Variants in PDE1C observed in about 807,000 individuals in gnomAD.
PDE1C encodes dual specificity calcium/calmodulin-dependent 3',5'-cyclic nucleotide phosphodiesterase 1C.
PDE1C carries 62 observed loss-of-function variants against 93.1 expected under a neutral mutation model. The observed-to-expected ratio is 0.67, with a 90% CI of 0.54 to 0.82. PDE1C has a LOEUF of 0.82. Ranked by LOEUF, PDE1C falls within the 40% of genes least tolerant of loss-of-function variation. The probability of loss-of-function intolerance (pLI) is 0.00; values close to 1 mark genes in which losing one functional copy is unlikely to be tolerated. For synonymous variants in PDE1C, 325 were observed against 310.1 expected, an observed-to-expected ratio of 1.05 and a Z score of -0.50; for missense variants, 742 against 884.6, an observed-to-expected ratio of 0.84 and a Z score of 2.04.
intron 14 of PDE1C, among the ~76,000 whole-genome samples, chr7:31,818,040 C>A (rs908730882): frequency 3.3e-5 from 5 of 151,990 alleles, no homozygotes; most frequent in African/African-American, 7.3e-5. Flanking sequence ...GAAGGAGGGG[C>A]AAGAATAGGA....
chr7:32,391,236 A>G (rs1012060427), intron 1 of PDE1C, among the ~76,000 whole-genome samples: 3 of 152,240 alleles, frequency 2.0e-5, no homozygotes, highest in African/African-American at 4.8e-5. Context: ...GAAGTGGCTC[A>G]TTAAGGATCA....
the PDE1C span, among the ~76,000 whole-genome samples, chr7:31,672,586 T>A: frequency 1.3e-5 from 2 of 152,208 alleles, no homozygotes; most frequent in Non-Finnish European, 2.9e-5. Flanking sequence ...ATTTTTTAAT[T>A]GTATATTCAA....
chr7:31,657,054 C>A, the PDE1C span, among the ~76,000 whole-genome samples: 1 of 136,826 alleles, frequency 7.3e-6, no homozygotes, highest in Non-Finnish European at 1.5e-5. Flanking sequence ...CACACACACA[C>A]GCACTATATA....
chr7:32,022,378 G>A (rs1788807620), intron 2 of PDE1C, among the ~76,000 whole-genome samples: 1 of 152,054 alleles, frequency 6.6e-6, no homozygotes, highest in South Asian at 2.1e-4. Flanking sequence ...GAAATTTCTA[G>A]CTAGGAGAAA....
At chr7:31,957,962 C>G (rs898136246) in intron 2 of PDE1C, among the ~76,000 whole-genome samples, 1 of 152,152 alleles carries the variant, frequency 6.6e-6, no homozygotes, top group Non-Finnish European at 1.5e-5. Flanking sequence ...TCCAGTATGA[C>G]ACATATGGAA....
intron 1 of PDE1C, among the ~76,000 whole-genome samples, chr7:32,374,179 A>AAGAAAGAAAG (rs1784382139): frequency 3.2e-5 from 1 of 31,174 alleles, no homozygotes; most frequent in Non-Finnish European, 1.1e-4. Flanking sequence ...AGAAAGAAAG[A>AAGAAAGAAAG]AAGAAAGAAA....
At chr7:32,312,374 A>G (rs1053496669) in intron 1 of PDE1C, among the ~76,000 whole-genome samples, 1 of 151,940 alleles carries the variant, frequency 6.6e-6, no homozygotes, top group Non-Finnish European at 1.5e-5. Context: ...CAAGCTACCA[A>G]TGACTTTCTT....
chr7:32,084,781 A>G (rs1277754554), intron 3 of PDE1C, among the ~76,000 whole-genome samples: 1 of 128,864 alleles, frequency 7.8e-6, no homozygotes. Flanking sequence ...GAAGGCAGAA[A>G]TAAAGATGTT....
rs147572652 is a variant in PDE1C, at chr7:31,803,572, G to A, written c.1891+5459C>T. Among the ~76,000 whole-genome samples, 269 of 151,542 alleles carry A rather than the reference G, an allele frequency of 1.8e-3. 5 individuals are homozygous for A. The East Asian group carries it at 0.029, about 16-fold the overall frequency. On this transcript the variant is annotated intron_variant, in intron 16 of 17. Transcript: ENST00000396191. ...CTCCCCCAACCCCACAACAGTCCCC[G>A]GTGTGTGATGTTCCCCTTCCTGTGT...
intron 1 of PDE1C, among the ~76,000 whole-genome samples, chr7:32,297,419 CAG>C (rs990069677): frequency 2.6e-5 from 4 of 152,130 alleles, no homozygotes; most frequent in African/African-American, 9.7e-5. Context: ...AAGTAGGAAT[CAG>C]AGTGGCTCCT....
At chr7:32,350,075 CTGT>C (rs71559222) in intron 1 of PDE1C, among the ~76,000 whole-genome samples, 39 of 148,856 alleles carry the variant, frequency 2.6e-4, no homozygotes, top group African/African-American at 8.0e-4. Flanking sequence ...TATTGTCTTG[CTGT>C]TGTTGTTGTT....
chr7:32,014,243 G>T (rs1228864159), intron 2 of PDE1C, among the ~76,000 whole-genome samples: 1 of 152,094 alleles, frequency 6.6e-6, no homozygotes, highest in Non-Finnish European at 1.5e-5. Flanking sequence ...CATGCCAAAG[G>T]TATTAAATGT....
intron 1 of PDE1C, among the ~76,000 whole-genome samples, chr7:32,250,379 A>G (rs539950782): frequency 5.3e-4 from 80 of 152,332 alleles, no homozygotes; most frequent in African/African-American, 1.8e-3. Context: ...CAATTCTCAA[A>G]TTAGGTGCGC....
At chr7:31,704,158 G>C in the PDE1C span, among the ~76,000 whole-genome samples, 1 of 152,188 alleles carries the variant, frequency 6.6e-6, no homozygotes, top group Non-Finnish European at 1.5e-5. Context: ...GGACATCGAA[G>C]ATCAAAATCC....
intron 3 of PDE1C, among the ~76,000 whole-genome samples, chr7:32,098,720 T>A (rs1797899134): frequency 6.6e-6 from 1 of 152,238 alleles, no homozygotes; most frequent in African/African-American, 2.4e-5. Context: ...CTAGGGTACA[T>A]CCAGACATAT....
chr7:32,147,999 A>AAAAAAAAAAAAAAAAAAAAAAAAC (rs1801008990), intron 3 of PDE1C, among the ~76,000 whole-genome samples: 1 of 150,824 alleles, frequency 6.6e-6, no homozygotes, highest in African/African-American at 2.4e-5. Flanking sequence ...AAAAAAAAAA[A>AAAAAAAAAAAAAAAAAAAAAAAAC]AAAAAAGCCT....
intron 2 of PDE1C, among the ~76,000 whole-genome samples, chr7:31,898,135 A>G (rs572250336): frequency 6.6e-6 from 1 of 152,148 alleles, no homozygotes; most frequent in South Asian, 2.1e-4. Flanking sequence ...AATTGAAATA[A>G]GTATTTCACA....
intron 7 of PDE1C, among the ~76,000 whole-genome samples, chr7:31,863,862 G>A (rs1794962837): frequency 1.3e-5 from 2 of 152,080 alleles, no homozygotes; most frequent in Admixed American, 6.6e-5. Context: ...TATCTAGTAA[G>A]CAATTAGGCA....
chr7:32,035,459 T>C (rs1354746446), intron 2 of PDE1C, among the ~76,000 whole-genome samples: 1 of 152,160 alleles, frequency 6.6e-6, no homozygotes, highest in Non-Finnish European at 1.5e-5. Flanking sequence ...CTTTTCACGT[T>C]TCTTTCCTCT....
Sources: gnomAD v4.1 joint callset for allele counts (sites outside exome capture counted in the v4.1 genomes callset) on GRCh38, gnomAD v4.1.1 for gene constraint, MANE v1.5 for transcripts, NCBI Gene and HGNC (gene_info 2026-07-23, HGNC 2026-07-21) for gene names.